The following IL27 variants were observed in gnomAD, a reference collection of about 807,000 sequenced individuals.
The protein encoded by IL27 is interleukin-27 subunit alpha.
In IL27, 11 loss-of-function variants were observed where a neutral mutation model predicts 27.0. That is an observed-to-expected ratio of 0.41 (90% confidence interval 0.26 to 0.67). The LOEUF is 0.67. IL27 is among the 30% of genes least tolerant of loss of function. The pLI, the probability that IL27 is intolerant of heterozygous loss-of-function variation, is 0.34. For missense variants in IL27, 299 were observed against 310.4 expected (o/e 0.96, Z 0.28); for synonymous variants, 134 against 140.6 (o/e 0.95, Z 0.33).
chr16:28,501,911 C>G, intron 4 of IL27, 65 bp downstream of exon 4: 11 of 1,541,472 alleles, frequency 7.1e-6, no homozygotes, highest in Non-Finnish European at 9.7e-6. Context: ...CATGGGATCA[C>G]TGAATGAGCC....
intron 1 of IL27, 140 bp from the exon 2 acceptor site, chr16:28,504,190 A>G (rs904443103): frequency 5.8e-6 from 5 of 856,020 alleles, no homozygotes; most frequent in South Asian, 1.9e-5. Context: ...TCAAAACCAC[A>G]ATGGAGGCTG....
chr16:28,503,612 C>G, intron 3 of IL27, 83 bp downstream of exon 3: 1 of 989,500 alleles, frequency 1.0e-6, no homozygotes, highest in Non-Finnish European at 1.5e-6. Flanking sequence ...CAATGCATCT[C>G]CAGCTCAATC....
intron 3 of IL27, 89 bp from the exon 4 acceptor site, chr16:28,502,223 A>G: frequency 8.1e-7 from 1 of 1,227,702 alleles, no homozygotes; most frequent in Non-Finnish European, 1.1e-6. Context: ...TCTCCTTCCC[A>G]TTCCACGCTC....
intron 4 of IL27, among the ~76,000 whole-genome samples, chr16:28,501,765 T>C (rs1226665812): frequency 6.7e-6 from 1 of 150,228 alleles, no homozygotes; most frequent in African/African-American, 2.5e-5. Flanking sequence ...AGTCACACTG[T>C]CACACTCATG....
intron 4 of IL27, among the ~76,000 whole-genome samples, chr16:28,501,747 ACT>A (rs72095123): frequency 0.29 from 44,272 of 150,454 alleles, 6,966 homozygotes; most frequent in Non-Finnish European, 0.33. Context: ...ACACTCACAC[ACT>A]CTCACAGTCA....
intron 1 of IL27, among the ~76,000 whole-genome samples, chr16:28,506,105 G>A (rs962584663): frequency 2.0e-5 from 3 of 151,994 alleles, no homozygotes; most frequent in South Asian, 2.1e-4. Context: ...AAGCCCAACC[G>A]TAAGTGAGCT....
At chr16:28,502,200 C>G in intron 3 of IL27, 66 bp from the exon 4 acceptor site, 1 of 1,449,372 alleles carries the variant, frequency 6.9e-7, no homozygotes, top group Non-Finnish European at 9.3e-7. Flanking sequence ...CACCCACCCC[C>G]TCCCTATCCG....
rs2046462962 is a variant in IL27 at position 28,506,762 on chromosome 16, C to T, written c.31+19G>A. On this transcript the variant is annotated intron_variant, in intron 1 of 4. Coordinates refer to ENST00000356897, the MANE Select transcript of IL27 (RefSeq NM_145659.3). ...TGCCCAAACTCAACCAAGCCCCCCA[C>T]CCCTGGCTTCAAACTCACGCCAGCC... 6.2e-6 allele frequency: 10 copies of T among 1,610,552 alleles called. No individual in the cohort carries two copies. Among genetic ancestry groups the T allele is most frequent in the Middle Eastern group, 1.7e-4 (1 of 6,050 alleles).
intron 1 of IL27, 28 bp downstream of exon 1, chr16:28,506,753 A>G: frequency 6.2e-7 from 1 of 1,605,614 alleles, no homozygotes; most frequent in Non-Finnish European, 8.5e-7. Context: ...AACTCAACCA[A>G]GCCCCCCACC....
intron 4 of IL27, 59 bp from the exon 5 acceptor site, chr16:28,499,979 C>G (rs1329907672): frequency 3.8e-5 from 56 of 1,478,606 alleles, no homozygotes; most frequent in Non-Finnish European, 4.9e-5. Context: ...GAGGAATCCT[C>G]ATTCCCTATT....
chr16:28,502,470 A>G (rs1305932318), intron 3 of IL27, among the ~76,000 whole-genome samples: 2 of 150,656 alleles, frequency 1.3e-5, no homozygotes, highest in East Asian at 3.9e-4. Context: ...ATGTGTTTCC[A>G]TCCCATCTTC....
Position 28,503,795 on chromosome 16 carries a change from TG to T in IL27, c.205-3del. ...CACTCCTGGCAGGTGAGATTCCGCC[TG>T]GGGGGCAAGGTCTGTTAGTGGGGGC... On this transcript the variant is annotated splice_polypyrimidine_tract_variant and splice_region_variant and intron_variant, in intron 2 of 4. Coordinates refer to ENST00000356897, the MANE Select transcript of IL27 (RefSeq NM_145659.3). 5 of 1,612,628 alleles carry T rather than the reference TG, an allele frequency of 3.1e-6. No homozygotes were observed. Among genetic ancestry groups the T allele is most frequent in the Middle Eastern group, 1.7e-4 (1 of 6,052 alleles).
chr16:28,504,920 A>C (rs2151626816), intron 1 of IL27, among the ~76,000 whole-genome samples: 1 of 152,324 alleles, frequency 6.6e-6, no homozygotes, highest in South Asian at 2.1e-4. Flanking sequence ...TCCCTTGGCC[A>C]AATGCCTTTT....
At chr16:28,501,301 A>T (rs556147439) in intron 4 of IL27, among the ~76,000 whole-genome samples, 1 of 150,390 alleles carries the variant, frequency 6.6e-6, no homozygotes, top group South Asian at 2.1e-4. Flanking sequence ...TTTCACACTC[A>T]CAACACTCAC....
chr16:28,504,089 G>C, intron 1 of IL27, 39 bp from the exon 2 acceptor site: 8 of 1,546,588 alleles, frequency 5.2e-6, no homozygotes, highest in Non-Finnish European at 7.0e-6. Flanking sequence ...CAGGGAGAGA[G>C]CTTGAGAAGG....
In IL27 at chr16:28,506,027, AG is replaced by A. The variant is rs543431349; in HGVS notation, c.31+753del. On this transcript the variant is annotated intron_variant, in intron 1 of 4. Transcript: ENST00000356897. Reference sequence around the variant, plus strand: ...GACCCTCTGACATCCTGGAGACTTAAGGCAGAGTGGGGTTCTTCCTAGCTCA... The same window carrying A: ...GACCCTCTGACATCCTGGAGACTTAAGCAGAGTGGGGTTCTTCCTAGCTCA... Among the ~76,000 whole-genome samples, 739 of 152,238 alleles carry A rather than the reference AG, an allele frequency of 4.9e-3. 8 individuals carry two copies. Among genetic ancestry groups the A allele is most frequent in the African/African-American group, 0.017 (719 of 41,534 alleles).
At chr16:28,501,888 C>G (rs1027975528) in intron 4 of IL27, 88 bp downstream of exon 4, 1 of 1,453,742 alleles carries the variant, frequency 6.9e-7, no homozygotes, top group Non-Finnish European at 9.4e-7. Flanking sequence ...CTCACACTCA[C>G]ACACACTCAG....
intron 1 of IL27, among the ~76,000 whole-genome samples, chr16:28,504,378 T>TGA (rs1004210272): frequency 2.6e-5 from 4 of 152,134 alleles, no homozygotes; most frequent in Non-Finnish European, 5.9e-5. Flanking sequence ...CTCAGGAGGT[T>TGA]GAGGCAGGAG....
intron 1 of IL27, among the ~76,000 whole-genome samples, chr16:28,504,544 C>T (rs932777367): frequency 7.9e-5 from 12 of 151,654 alleles, no homozygotes; most frequent in African/African-American, 2.7e-4. Flanking sequence ...ATGGCATCTC[C>T]GCATGGTGTG....
Sources: gnomAD v4.1 joint callset for allele counts (sites outside exome capture counted in the v4.1 genomes callset) on GRCh38, gnomAD v4.1.1 for gene constraint, MANE v1.5 for transcripts, NCBI Gene and HGNC (gene_info 2026-07-23, HGNC 2026-07-21) for gene names.